APPL1: variants seen among roughly 807,000 people sequenced by gnomAD.
APPL1 encodes DCC-interacting protein 13-alpha.
A neutral mutation model predicts 106.8 loss-of-function variants in APPL1; 42 were observed. The observed-to-expected ratio is 0.39, with a 90% CI of 0.31 to 0.51. The LOEUF (loss-of-function observed/expected upper bound fraction) is 0.51. Ranked by LOEUF, APPL1 falls within the 20% of genes least tolerant of loss-of-function variation. APPL1 has a pLI of 0.75. For missense variants in APPL1, 769 were observed against 858.2 expected (o/e 0.90, Z 1.30); for synonymous variants, 263 against 281.8 (o/e 0.93, Z 0.67).
chr3:57,256,791 A>G (rs1350445419), intron 13 of APPL1, among the ~76,000 whole-genome samples, 166 bp from the exon 14 acceptor site: 1 of 152,216 alleles, frequency 6.6e-6, no homozygotes, highest in Non-Finnish European at 1.5e-5. Context: ...AGAGGAAATC[A>G]GTTATGTACC....
chr3:57,253,352 G>T (rs1418592128), intron 12 of APPL1, among the ~76,000 whole-genome samples: 3 of 152,028 alleles, frequency 2.0e-5, no homozygotes, highest in Non-Finnish European at 4.4e-5. Context: ...AATTTAACAT[G>T]ATTGCTATAT....
chr3:57,238,305 A>G lies in APPL1; in HGVS notation c.285+189A>G, dbSNP rs2060727022. On this transcript the variant is annotated intron_variant, in intron 4 of 21. Transcript: ENST00000288266. Reference sequence around the variant, plus strand: ...TGATTAAACATTGTTTTCCAGGAATAAACTTACAGATGTGCTTCTTCTATA... The same window carrying G: ...TGATTAAACATTGTTTTCCAGGAATGAACTTACAGATGTGCTTCTTCTATA... 13 of 505,598 alleles carry G rather than the reference A, an allele frequency of 2.6e-5. No individual in the cohort carries two copies. The South Asian group carries it at 4.1e-4, about 16-fold the overall frequency. The allele number at this position is 505,598 out of a possible 1,614,324, so 31.3% of individuals were successfully genotyped here. A position where few individuals can be genotyped will look rare whatever the true frequency, so the allele number is the denominator to read the frequency against.
intron 5 of APPL1, 54 bp from the exon 6 acceptor site, chr3:57,242,047 A>G: frequency 7.6e-7 from 1 of 1,321,824 alleles, no homozygotes; most frequent in Non-Finnish European, 1.1e-6. Context: ...TTGTTTTCCA[A>G]ACAAATGTAT....
intron 7 of APPL1, among the ~76,000 whole-genome samples, chr3:57,243,207 C>T (rs115425331): frequency 2.1e-3 from 322 of 152,236 alleles, no homozygotes; most frequent in African/African-American, 7.4e-3. Context: ...GATGACATGG[C>T]ATTGGTTCTG....
At chr3:57,247,602 T>C in intron 9 of APPL1, 125 bp downstream of exon 9, 1 of 662,512 alleles carries the variant, frequency 1.5e-6, no homozygotes, top group Admixed American at 3.2e-5. Flanking sequence ...TGAGAGTTTC[T>C]TATGTGGTTC....
In APPL1 at chr3:57,227,952, C is replaced by G. The variant is rs2060661398; in HGVS notation, c.54+15C>G. On this transcript the variant is annotated intron_variant, in intron 1 of 21. Coordinates refer to ENST00000288266, the MANE Select transcript of APPL1 (RefSeq NM_012096.3). ...ACAGCCCGCAGGTGAGGCGCGGGAG[C>G]TGGTGGGCGACGAGGGAGAGCCCAG... The G allele has an allele frequency of 1.4e-6, 2 of 1,428,514 alleles. No homozygotes were observed. The highest frequency in any genetic ancestry group is 1.8e-6 in the Non-Finnish European group (2 of 1,081,802). The allele number at this position is 1,428,514 out of a possible 1,614,324, so 88.5% of individuals were successfully genotyped here.
chr3:57,256,175 C>T (rs529500179), intron 13 of APPL1, among the ~76,000 whole-genome samples: 6 of 152,074 alleles, frequency 3.9e-5, no homozygotes, highest in Non-Finnish European at 7.4e-5. Flanking sequence ...TGCCATTGCA[C>T]GCCAGCCTGG....
intron 14 of APPL1, 32 bp from the exon 15 acceptor site, chr3:57,257,213 AT>A (rs779119731): frequency 3.1e-6 from 5 of 1,588,088 alleles, no homozygotes; most frequent in Middle Eastern, 1.7e-4. Context: ...AAAAGGGAAA[AT>A]TAAATGCAAT....
At chr3:57,242,046 A>G in intron 5 of APPL1, 55 bp from the exon 6 acceptor site, 2 of 1,316,372 alleles carry the variant, frequency 1.5e-6, no homozygotes, top group Non-Finnish European at 2.1e-6. Context: ...ATTGTTTTCC[A>G]AACAAATGTA....
At chr3:57,239,149 C>T (rs568197011) in intron 4 of APPL1, among the ~76,000 whole-genome samples, 2 of 152,112 alleles carry the variant, frequency 1.3e-5, no homozygotes, top group African/African-American at 2.4e-5. Flanking sequence ...TTCACTACCA[C>T]GAGAACAGTA....
intron 19 of APPL1, 53 bp downstream of exon 19, chr3:57,260,827 A>C: frequency 1.4e-6 from 2 of 1,451,568 alleles, no homozygotes; most frequent in Non-Finnish European, 1.8e-6. Context: ...ATTGATTCTT[A>C]CTAAGATTTA....
chr3:57,260,356 T>G, intron 18 of APPL1: 1 of 594,742 alleles, frequency 1.7e-6, no homozygotes, highest in Non-Finnish European at 2.7e-6. Flanking sequence ...TTAACACAAT[T>G]CTTTTTGTAA....
chr3:57,234,659 T>G (rs1259631690), intron 1 of APPL1, among the ~76,000 whole-genome samples: 1 of 151,224 alleles, frequency 6.6e-6, no homozygotes, highest in Non-Finnish European at 1.5e-5. Flanking sequence ...TTAAAAAAAT[T>G]TTTTTATTTT....
chr3:57,237,520 C>T lies in APPL1; in HGVS notation c.182C>T (p.Thr61Ile), dbSNP rs779802457. 2.5e-6 allele frequency: 4 copies of T among 1,602,720 alleles called. No homozygotes were observed. The South Asian group carries it at 4.6e-5, about 18-fold the overall frequency. The change falls in exon 3 of 22, where the codon ACC becomes ATC. Residue 61 changes from threonine to isoleucine, a missense_variant. Physicochemically the swap from Thr to Ile is moderately conservative, Grantham distance 89. Transcript: ENST00000288266. Reference sequence around the variant, plus strand: ...GAATTAAGTGCAGCAACACACCTGACCTCAAAACTTTTAAAAGAATATGAA... The same window carrying T: ...GAATTAAGTGCAGCAACACACCTGATCTCAAAACTTTTAAAAGAATATGAA... ...QNELSAATHL[T>I]SKLLKEYEKQ...
intron 16 of APPL1, 69 bp from the exon 17 acceptor site, chr3:57,259,776 G>A: frequency 7.9e-7 from 1 of 1,272,464 alleles, no homozygotes; most frequent in Non-Finnish European, 1.1e-6. Context: ...AAAGAAATAT[G>A]GCGAAAAAAA....
chr3:57,237,342 T>C (rs2060721657), intron 2 of APPL1, 150 bp from the exon 3 acceptor site: 9 of 580,116 alleles, frequency 1.6e-5, no homozygotes, highest in Non-Finnish European at 2.7e-5. Context: ...AGTGCTTTAA[T>C]GGTAGTACCC....
At chr3:57,263,286 T>C (rs541404180) in intron 19 of APPL1, among the ~76,000 whole-genome samples, 12 of 152,168 alleles carry the variant, frequency 7.9e-5, no homozygotes, top group Non-Finnish European at 1.6e-4. Flanking sequence ...ATTATACTCT[T>C]TTAGTTATTT....
intron 2 of APPL1, among the ~76,000 whole-genome samples, chr3:57,236,327 C>T (rs1157306603): frequency 6.9e-6 from 1 of 144,016 alleles, no homozygotes; most frequent in African/African-American, 2.6e-5. Flanking sequence ...TGTACCCAGC[C>T]CCCTTTTTTT....
At chr3:57,259,170 G>A in intron 16 of APPL1, 90 bp downstream of exon 16, 1 of 1,135,110 alleles carries the variant, frequency 8.8e-7, no homozygotes, top group Admixed American at 2.1e-5. Flanking sequence ...CTGCTACTAA[G>A]CTCAGTTTTA....
Sources: allele counts gnomAD v4.1 joint callset (sites outside exome capture counted in the v4.1 genomes callset), GRCh38; gene constraint gnomAD v4.1.1; transcripts MANE v1.5; gene names NCBI Gene and HGNC (gene_info 2026-07-23, HGNC 2026-07-21).